Variants in NEMP2 observed in about 807,000 individuals in gnomAD.
NEMP2 encodes UPF0571 transmembrane protein.
Under a neutral mutation model 54.2 loss-of-function variants are expected in NEMP2, and 53 were observed. The observed-to-expected ratio is 0.98, with a 90% CI of 0.78 to 1.23. The LOEUF is 1.23. NEMP2 is among the 50% of genes most tolerant of loss of function. The pLI, the probability that NEMP2 is intolerant of heterozygous loss-of-function variation, is 0.00. For missense variants in NEMP2, 455 were observed against 511.3 expected, an observed-to-expected ratio of 0.89 and a Z score of 1.06; for synonymous variants, 197 against 190.3, an observed-to-expected ratio of 1.04 and a Z score of -0.29.
the NEMP2 span, among the ~76,000 whole-genome samples, chr2:190,427,701 C>CA: frequency 6.6e-6 from 1 of 151,400 alleles, no homozygotes; most frequent in Non-Finnish European, 1.5e-5. Context: ...GTGTCTACTC[C>CA]ATCTTCTTGG....
At chr2:190,427,183 C>T in the NEMP2 span, among the ~76,000 whole-genome samples, 2 of 152,226 alleles carry the variant, frequency 1.3e-5, no homozygotes, top group South Asian at 4.1e-4. Flanking sequence ...GGTTGGCAGT[C>T]CAGGCTTCCC....
In NEMP2 at chr2:190,505,201, G is replaced by T. The variant is rs1460659396; in HGVS notation, c.*3988C>A. ...GTCATTTCCTTCACTTTCTTAAAAA[G>T]ATGGTAATAAATAAAGGAAGTAGAA... On this transcript the variant is annotated 3_prime_UTR_variant, in exon 9 of 9. Coordinates refer to ENST00000409150, the MANE Select transcript of NEMP2 (RefSeq NM_001142645.2). The surrounding 1 kb of genome is among the most constrained non-coding windows in gnomAD (Gnocchi z 5.8). The T allele has an allele frequency of 6.6e-6, 1 of 152,158 alleles. No homozygotes were observed. The highest frequency in any genetic ancestry group is 1.5e-5 in the Non-Finnish European group (1 of 68,036). 9.4% of individuals were successfully genotyped at this position (152,158 alleles called of 1,614,324 possible). A position where few individuals can be genotyped will look rare whatever the true frequency, so the allele number is the denominator to read the frequency against.
At chr2:190,438,783 A>G in the NEMP2 span, among the ~76,000 whole-genome samples, 4 of 152,268 alleles carry the variant, frequency 2.6e-5, no homozygotes, top group African/African-American at 9.6e-5. The surrounding 1 kb of genome is among the most constrained non-coding windows in gnomAD (Gnocchi z 5.2). Context: ...GAAATAGACA[A>G]TGACAAGATT....
the NEMP2 span, chr2:190,469,617 T>C: frequency 1.0e-5 from 4 of 393,318 alleles, no homozygotes; most frequent in Admixed American, 1.7e-4. The surrounding 1 kb of genome is among the most constrained non-coding windows in gnomAD (Gnocchi z 5.3). Context: ...GTTTGGAGTC[T>C]GCTGGATGAT....
chr2:190,551,235 A>G, the NEMP2 span, among the ~76,000 whole-genome samples: 1 of 151,810 alleles, frequency 6.6e-6, no homozygotes, highest in Non-Finnish European at 1.5e-5. Context: ...CTATAGTTTT[A>G]AATATTTGTT....
At position 190,520,053 on chromosome 2, in the gene NEMP2, G is replaced by A. The variant is rs182187418; in HGVS notation, c.214-870C>T. Among the ~76,000 whole-genome samples, 743 of 152,066 alleles carry A rather than the reference G, an allele frequency of 4.9e-3. 9 individuals are homozygous for A. Among genetic ancestry groups the A allele is most frequent in the African/African-American group, 0.017 (701 of 41,478 alleles). On this transcript the variant is annotated intron_variant, in intron 2 of 8. Transcript: ENST00000409150. The surrounding 1 kb of genome is among the most constrained non-coding windows in gnomAD (Gnocchi z 5.4). ...TATAGTAGAAACATAACTTTTATAG[G>A]TACTAGGAAACCAAAAAATTTGTAT... is the stretch of plus-strand genomic sequence containing the variant.
At chr2:190,497,860 A>G in the NEMP2 span, 5 of 970,064 alleles carry the variant, frequency 5.2e-6, no homozygotes, top group Non-Finnish European at 7.5e-6. This position sits in a 1 kb window ranked among gnomAD's most constrained non-coding sequence, Gnocchi z 5.2. Flanking sequence ...CAATTTCAGT[A>G]CTCTGTGAGC....
At chr2:190,559,282 A>T in the NEMP2 span, among the ~76,000 whole-genome samples, 1 of 152,218 alleles carries the variant, frequency 6.6e-6, no homozygotes, top group Admixed American at 6.5e-5. This position sits in a 1 kb window ranked among gnomAD's most constrained non-coding sequence, Gnocchi z 4.0. Flanking sequence ...ATTGACTTCC[A>T]TTTGGAAGTG....
chr2:190,475,585 T>C, the NEMP2 span, among the ~76,000 whole-genome samples: 1 of 152,160 alleles, frequency 6.6e-6, no homozygotes, highest in South Asian at 2.1e-4. Flanking sequence ...TGGAAGAACA[T>C]TCCATGCTCA....
the NEMP2 span, among the ~76,000 whole-genome samples, chr2:190,573,704 C>T: frequency 6.6e-6 from 1 of 152,164 alleles, no homozygotes; most frequent in African/African-American, 2.4e-5. Context: ...ACCTAGCCTA[C>T]CCTGACTGCT....
chr2:190,472,081 C>A, the NEMP2 span, among the ~76,000 whole-genome samples: 1 of 152,120 alleles, frequency 6.6e-6, no homozygotes. Flanking sequence ...ACACCAAAAC[C>A]CCATCTGTAC....
chr2:190,620,898 T>C, the NEMP2 span, among the ~76,000 whole-genome samples: 1 of 152,198 alleles, frequency 6.6e-6, no homozygotes, highest in African/African-American at 2.4e-5. This position sits in a 1 kb window ranked among gnomAD's most constrained non-coding sequence, Gnocchi z 4.9. Context: ...ATTGGAAGTA[T>C]TAAATTCAGA....
chr2:190,436,829 C>T, the NEMP2 span: 3 of 1,614,130 alleles, frequency 1.9e-6, no homozygotes, highest in African/African-American at 4.0e-5. This position sits in a 1 kb window ranked among gnomAD's most constrained non-coding sequence, Gnocchi z 5.3. Flanking sequence ...GTTACCACCA[C>T]CAAATCTTTA....
the NEMP2 span, among the ~76,000 whole-genome samples, chr2:190,480,338 CTTG>C: frequency 6.6e-6 from 1 of 152,126 alleles, no homozygotes; most frequent in East Asian, 1.9e-4. Context: ...ACTATTAATG[CTTG>C]TTGTTTAATT....
chr2:190,618,588 T>A, the NEMP2 span, among the ~76,000 whole-genome samples: 810 of 152,316 alleles, frequency 5.3e-3, 10 homozygotes, highest in African/African-American at 0.019. Context: ...TACCTTTTTT[T>A]ATTTTTAATT....
chr2:190,606,529 T>C, the NEMP2 span, among the ~76,000 whole-genome samples: 1 of 152,150 alleles, frequency 6.6e-6, no homozygotes, highest in Non-Finnish European at 1.5e-5. Context: ...CTGGCCAACA[T>C]GGCAAAACCC....
chr2:190,534,462 G>A, intron 1 of NEMP2, 97 bp downstream of exon 1: 1 of 1,252,910 alleles, frequency 8.0e-7, no homozygotes, highest in Non-Finnish European at 1.0e-6. Flanking sequence ...AGTGGGCCTC[G>A]CGGTGCCGCC....
the NEMP2 span, chr2:190,488,899 A>G: frequency 6.9e-6 from 9 of 1,298,244 alleles, no homozygotes; most frequent in African/African-American, 4.5e-5. This position sits in a 1 kb window ranked among gnomAD's most constrained non-coding sequence, Gnocchi z 6.4. Flanking sequence ...AAACAATCCA[A>G]TTATTACTGA....
At chr2:190,489,499 A>T in the NEMP2 span, among the ~76,000 whole-genome samples, 623 of 152,340 alleles carry the variant, frequency 4.1e-3, 6 homozygotes, top group African/African-American at 0.014. The surrounding 1 kb of genome is among the most constrained non-coding windows in gnomAD (Gnocchi z 6.6). Flanking sequence ...ATTGAATTGT[A>T]TGAGTCATGG....
Sources: gnomAD v4.1 joint callset for allele counts (sites outside exome capture counted in the v4.1 genomes callset) on GRCh38, gnomAD v4.1.1 for gene constraint, Gnocchi (gnomAD v3.1) non-coding constraint, MANE v1.5 for transcripts, NCBI Gene and HGNC (gene_info 2026-07-23, HGNC 2026-07-21) for gene names.